PLD5: variants seen among roughly 807,000 people sequenced by gnomAD.
The protein encoded by PLD5 is phospholipase D family member 5.
In PLD5, 36 loss-of-function variants were observed where a neutral mutation model predicts 61.1. The observed-to-expected ratio is 0.59, with a 90% CI of 0.45 to 0.78. The LOEUF is 0.78. PLD5 is among the 30% of genes least tolerant of loss of function. The pLI is 0.00. For missense variants in PLD5, 515 were observed against 644.4 expected, an observed-to-expected ratio of 0.80 and a Z score of 2.17; for synonymous variants, 243 against 242.8, an observed-to-expected ratio of 1.00 and a Z score of -0.01.
chr1:242,248,627 A>G (rs1031645256), intron 4 of PLD5, among the ~76,000 whole-genome samples: 5 of 151,830 alleles, frequency 3.3e-5, no homozygotes, highest in African/African-American at 9.7e-5. Context: ...GGGAGCTCAT[A>G]TCCAAGGTTA....
intron 1 of PLD5, among the ~76,000 whole-genome samples, chr1:242,395,448 C>G (rs1663516720): frequency 6.6e-6 from 1 of 152,064 alleles, no homozygotes; most frequent in Admixed American, 6.6e-5. Context: ...TAGCTACTTT[C>G]TATTTTTCTA....
At chr1:242,146,893 C>G (rs1664582249) in intron 5 of PLD5, among the ~76,000 whole-genome samples, 2 of 152,094 alleles carry the variant, frequency 1.3e-5, no homozygotes, top group Non-Finnish European at 1.5e-5. Flanking sequence ...AATTCAGAAC[C>G]AACAGAGGCT....
At chr1:242,224,705 A>G (rs1670817218) in intron 4 of PLD5, among the ~76,000 whole-genome samples, 1 of 152,198 alleles carries the variant, frequency 6.6e-6, no homozygotes, top group Admixed American at 6.5e-5. Flanking sequence ...GACTATTCAG[A>G]GCCAACAAAG....
At chr1:242,124,405 CA>C (rs1244617850) in intron 6 of PLD5, 62 bp downstream of exon 6, 2 of 1,506,938 alleles carry the variant, frequency 1.3e-6, no homozygotes, top group Non-Finnish European at 9.1e-7. Context: ...TTAAACATTC[CA>C]ACTTAATAAA....
At chr1:242,254,335 T>C (rs1197187891) in intron 4 of PLD5, among the ~76,000 whole-genome samples, 2 of 134,630 alleles carry the variant, frequency 1.5e-5, no homozygotes, top group East Asian at 4.2e-4. Flanking sequence ...GTTATTATTA[T>C]CCTCATTTAA....
At chr1:242,419,571 C>CTTTT (rs1558550692) in intron 1 of PLD5, among the ~76,000 whole-genome samples, 46 of 39,326 alleles carry the variant, frequency 1.2e-3, no homozygotes, top group Admixed American at 9.5e-3. Flanking sequence ...AAATTTTTTG[C>CTTTT]ATTTTTTTTT....
chr1:242,181,629 G>A (rs1232837248), intron 5 of PLD5, among the ~76,000 whole-genome samples: 1 of 151,676 alleles, frequency 6.6e-6, no homozygotes, highest in African/African-American at 2.4e-5. Flanking sequence ...AAGTACCACT[G>A]ACTGCTTGTA....
chr1:242,187,459 C>T (rs1335554954), intron 5 of PLD5, among the ~76,000 whole-genome samples: 3 of 152,106 alleles, frequency 2.0e-5, no homozygotes, highest in South Asian at 2.1e-4. Context: ...TTGTTGTGTG[C>T]ACTTGTGCAT....
intron 1 of PLD5, among the ~76,000 whole-genome samples, chr1:242,425,999 G>C (rs898445695): frequency 1.3e-5 from 2 of 152,042 alleles, no homozygotes; most frequent in African/African-American, 4.8e-5. Context: ...TTTGACTCTT[G>C]TATTAACACT....
intron 2 of PLD5, among the ~76,000 whole-genome samples, chr1:242,301,086 G>T (rs556810258): frequency 5.9e-5 from 9 of 152,218 alleles, no homozygotes; most frequent in African/African-American, 2.2e-4. Context: ...TTATCAGCTT[G>T]GTCCCTTGCT....
intron 1 of PLD5, among the ~76,000 whole-genome samples, chr1:242,417,576 G>A (rs1451229073): frequency 6.6e-6 from 1 of 152,238 alleles, no homozygotes; most frequent in Non-Finnish European, 1.5e-5. Flanking sequence ...ACAAGGAGCA[G>A]TACCTATGCT....
intron 1 of PLD5, among the ~76,000 whole-genome samples, chr1:242,510,928 A>G (rs1668887888): frequency 6.6e-6 from 1 of 152,194 alleles, no homozygotes; most frequent in East Asian, 1.9e-4. Flanking sequence ...TTAAATGACT[A>G]TGTATTTCTG....
chr1:242,397,499 C>A (rs1663661352), intron 1 of PLD5, among the ~76,000 whole-genome samples: 1 of 132,016 alleles, frequency 7.6e-6, no homozygotes, highest in Non-Finnish European at 1.6e-5. Context: ...AGCCGTAGAA[C>A]CTGTTGATAG....
rs549768971 is a variant in PLD5 at position 242,394,631 on chromosome 1, T to C, written c.190-46389A>G. ...GTGAACATATATATGTGTATATATG[T>C]GAACATATATATGTGTATATATGTG... On this transcript the variant is annotated intron_variant, in intron 1 of 9. Transcript: ENST00000536534. Among the ~76,000 whole-genome samples the C allele has an allele frequency of 4.8e-4, 13 of 27,056 alleles. 1 individual carries two copies. The highest frequency in any genetic ancestry group is 7.9e-4 in the Admixed American group (1 of 1,260). The allele number at this position is 27,056 out of a possible 152,430, so 17.7% of individuals were successfully genotyped here.
intron 3 of PLD5, among the ~76,000 whole-genome samples, chr1:242,272,898 T>C (rs1674183820): frequency 6.6e-6 from 1 of 152,028 alleles, no homozygotes. Flanking sequence ...ATGCACAAGA[T>C]TTTTTGTTTG....
intron 1 of PLD5, among the ~76,000 whole-genome samples, chr1:242,511,559 C>T (rs1054306643): frequency 2.0e-5 from 3 of 150,198 alleles, no homozygotes; most frequent in Admixed American, 6.7e-5. Flanking sequence ...GGTACTCCAT[C>T]CTAAAGCCCA....
intron 1 of PLD5, among the ~76,000 whole-genome samples, chr1:242,459,486 T>C (rs1325033327): frequency 6.6e-6 from 1 of 152,200 alleles, no homozygotes. Flanking sequence ...ATGTGTAAAA[T>C]TGGAAAAAAT....
intron 2 of PLD5, among the ~76,000 whole-genome samples, chr1:242,326,388 C>T (rs1195270564): frequency 6.6e-6 from 1 of 152,060 alleles, no homozygotes; most frequent in Non-Finnish European, 1.5e-5. Flanking sequence ...TAGGTGAAAA[C>T]ACGGGGTCAT....
chr1:242,312,645 T>C (rs1194881164), intron 2 of PLD5, among the ~76,000 whole-genome samples: 3 of 152,202 alleles, frequency 2.0e-5, no homozygotes, highest in Non-Finnish European at 4.4e-5. Context: ...TCTGAGCTCC[T>C]AGTTAAGCAA....
Sources: gnomAD v4.1 joint callset for allele counts (sites outside exome capture counted in the v4.1 genomes callset) on GRCh38, gnomAD v4.1.1 for gene constraint, MANE v1.5 for transcripts, NCBI Gene and HGNC (gene_info 2026-07-23, HGNC 2026-07-21) for gene names.